GPC2: variants seen among roughly 807,000 people sequenced by gnomAD.
The protein encoded by GPC2 is glypican-2.
In GPC2, 42 loss-of-function variants were observed where a neutral mutation model predicts 57.3. The ratio of observed to expected loss-of-function variants is 0.73; its 90% CI spans 0.57 to 0.95. The LOEUF is 0.95. Ranked by LOEUF, GPC2 falls within the 40% of genes least tolerant of loss-of-function variation. The pLI is 0.00. For synonymous variants in GPC2, 364 were observed against 343.4 expected (o/e 1.06, Z -0.66); for missense variants, 745 against 793.6 (o/e 0.94, Z 0.74).
chr7:100,171,728 C>T lies in GPC2; in HGVS notation c.1171-50G>A, dbSNP rs1276634130. 6 of 1,493,360 alleles carry T rather than the reference C, an allele frequency of 4.0e-6. No individual in the cohort carries two copies. The Admixed American group carries it at 8.7e-5, about 22-fold the overall frequency. The allele number at this position is 1,493,360 out of a possible 1,614,324, so 92.5% of individuals were successfully genotyped here. The stretch of plus-strand genomic sequence containing the variant: ...CGAGCTGGAGCGCGACCCCCACAAC[C>T]ATCCCCGGCCCCGGGCCCCCCCGCC... On this transcript the variant is annotated intron_variant, in intron 7 of 9. Transcript: ENST00000292377. The surrounding 1 kb of genome is among the most constrained non-coding windows in gnomAD (Gnocchi z 4.8).
chr7:100,174,482 G>T, intron 4 of GPC2: 1 of 664,642 alleles, frequency 1.5e-6, no homozygotes, highest in East Asian at 2.8e-5. Context: ...AGGGGAGGAG[G>T]GGGTCAGAGA....
chr7:100,175,920 G>T, intron 2 of GPC2, 26 bp from the exon 3 acceptor site: 1 of 1,601,416 alleles, frequency 6.2e-7, no homozygotes. Flanking sequence ...GGAACAGGTG[G>T]AAGGCAGGTC....
At chr7:100,176,097 A>AC in intron 2 of GPC2, 110 bp downstream of exon 2, 1 of 700,416 alleles carries the variant, frequency 1.4e-6, no homozygotes. Context: ...GCGGGCTGGG[A>AC]GGGGATGGAG....
chr7:100,170,483 T>C lies in GPC2; in HGVS notation c.1487A>G (p.Asp496Gly), dbSNP rs146672512. The C allele has an allele frequency of 6.6e-5, 100 of 1,516,612 alleles. No individual in the cohort carries two copies. The highest frequency in any genetic ancestry group is 8.8e-5 in the Non-Finnish European group (99 of 1,128,858). The allele number at this position is 1,516,612 out of a possible 1,614,324, so 93.9% of individuals were successfully genotyped here. ...CCCTCCAGAGCCGCTGGCATCCTCA[T>C]CTGCAAGGAAGAAGAGGGACAGAGC... ...LGHDLDGQDA[D>G]EDASGSGGGQ... The change falls in exon 10 of 10, where the codon GAT becomes GGT. Residue 496 changes from aspartate (D) to glycine (G), a missense_variant and splice_region_variant. By Grantham distance (94) the Asp-to-Gly change is moderately conservative. Around this residue, in one of 2 missense-constraint regions of GPC2, gnomAD observed 607 missense variants for 603.9 expected, o/e 1.01. Transcript: ENST00000292377.
At chr7:100,175,095 A>G (rs1301903126) in intron 3 of GPC2, among the ~76,000 whole-genome samples, 1 of 152,226 alleles carries the variant, frequency 6.6e-6, no homozygotes, top group African/African-American at 2.4e-5. Flanking sequence ...CTGGCTGAAA[A>G]GCTTAATCTC....
At chr7:100,174,440 C>T (rs1456462878) in intron 4 of GPC2, 6 of 601,084 alleles carry the variant, frequency 1.0e-5, no homozygotes, top group Non-Finnish European at 1.5e-5. Flanking sequence ...ATGAGCAGGC[C>T]CTTGGGGACT....
In GPC2 at chr7:100,171,974, C is replaced by T; in HGVS notation, c.1024-49G>A. ...ACACAGTCACCCTGGGGGGAAACCACACTGCGTCCCCACTCTGACCCCAGA... is the reference window on the plus strand; with the variant it reads ...ACACAGTCACCCTGGGGGGAAACCATACTGCGTCCCCACTCTGACCCCAGA... On this transcript the variant is annotated intron_variant, in intron 6 of 9. Transcript: ENST00000292377. The surrounding 1 kb of genome is among the most constrained non-coding windows in gnomAD (Gnocchi z 4.8). 1 of 1,550,718 alleles carries T rather than the reference C, an allele frequency of 6.4e-7. No individual in the cohort carries two copies. Among genetic ancestry groups the T allele is most frequent in the South Asian group, 1.2e-5 (1 of 82,420 alleles).
At chr7:100,170,591 G>C in intron 9 of GPC2, 108 bp from the exon 10 acceptor site, 938 of 901,828 alleles carry the variant, frequency 1.0e-3, no homozygotes, top group Non-Finnish European at 1.3e-3. Flanking sequence ...AAGGGAGGGA[G>C]ACACAGGTGG....
rs1342165219 is a variant in GPC2 at position 100,176,243 on chromosome 7, C to T, written c.289G>A (p.Val97Ile). Reference protein sequence around the residue: ...GLVEDSGSFLVHTLAARHRKF... With the variant: ...GLVEDSGSFLIHTLAARHRKF... ...CTGTGCCTGGCAGCCAGTGTGTGAA[C>T]CAGAAAGGAGCCGCTGTCCTCCACC... The change falls in exon 2 of 10, where the codon GTT (valine) becomes ATT (isoleucine). Residue 97 changes from valine (V) to isoleucine (I), a missense_variant. Physicochemically the swap from Val to Ile is conservative, Grantham distance 29. Coordinates refer to ENST00000292377, the MANE Select transcript of GPC2 (RefSeq NM_152742.3). The T allele has an allele frequency of 6.2e-7, 1 of 1,613,184 alleles. No homozygotes were observed. Among genetic ancestry groups the T allele is most frequent in the Middle Eastern group, 1.7e-4 (1 of 6,048 alleles).
Position 100,171,017 on chromosome 7 carries a change from G to T in GPC2, c.1486+244C>A. 2.4e-6 allele frequency: 1 copy of T among 421,936 alleles called. No homozygotes were observed. The highest frequency in any genetic ancestry group is 4.1e-6 in the Non-Finnish European group (1 of 241,012). The allele number at this position is 421,936 out of a possible 1,614,324, so 26.1% of individuals were successfully genotyped here. A position where few individuals can be genotyped will look rare whatever the true frequency, so the allele number is the denominator to read the frequency against. On this transcript the variant is annotated intron_variant, in intron 9 of 9. Transcript: ENST00000292377. The surrounding 1 kb of genome is among the most constrained non-coding windows in gnomAD (Gnocchi z 4.8). ...TCCCACTGCCCTTTGCCCATTATAA[G>T]GGGCTTCCCACTGTTCTTTAAGAAT...
chr7:100,170,672 C>T (rs547785112), intron 9 of GPC2, among the ~76,000 whole-genome samples, 189 bp from the exon 10 acceptor site: 2 of 150,538 alleles, frequency 1.3e-5, no homozygotes, highest in African/African-American at 4.9e-5. Context: ...GAGAGAGATC[C>T]GACAGCAGAC....
Position 100,171,946 on chromosome 7 carries a change from C to G in GPC2, c.1024-21G>C. On this transcript the variant is annotated intron_variant, in intron 6 of 9. Transcript: ENST00000292377. The surrounding 1 kb of genome is among the most constrained non-coding windows in gnomAD (Gnocchi z 4.8). The stretch of plus-strand genomic sequence containing the variant: ...AACACCTGCGGCACCGGGAAGAGAC[C>G]TCACACAGTCACCCTGGGGGGAAAC... 1 of 1,527,998 alleles carries G rather than the reference C, an allele frequency of 6.5e-7. No individual in the cohort carries two copies. The highest frequency in any genetic ancestry group is 8.8e-7 in the Non-Finnish European group (1 of 1,140,452). 94.7% of individuals were successfully genotyped at this position (1,527,998 alleles called of 1,614,324 possible).
Position 100,171,715 on chromosome 7 carries a change from C to T in GPC2, c.1171-37G>A, listed in dbSNP as rs774921695. 6.8e-7 allele frequency: 1 copy of T among 1,478,732 alleles called. No individual in the cohort carries two copies. The highest frequency in any genetic ancestry group is 8.9e-7 in the Non-Finnish European group (1 of 1,123,784). 91.6% of individuals were successfully genotyped at this position (1,478,732 alleles called of 1,614,324 possible). On this transcript the variant is annotated intron_variant, in intron 7 of 9. Coordinates refer to ENST00000292377, the MANE Select transcript of GPC2 (RefSeq NM_152742.3). The surrounding 1 kb of genome is among the most constrained non-coding windows in gnomAD (Gnocchi z 4.8). ...AGAGGGGGCGGGGCGAGCTGGAGCGCGACCCCCACAACCATCCCCGGCCCC... is the reference window on the plus strand; with the variant it reads ...AGAGGGGGCGGGGCGAGCTGGAGCGTGACCCCCACAACCATCCCCGGCCCC...
chr7:100,175,839 G>A lies in GPC2; in HGVS notation c.381C>T (p.Ser127=), dbSNP rs776975013. The part of the protein sequence containing the change: ...VAQHSLTQLF[S]HSYGRLYAQH... ...GGGCATACAGGCGGCCGTAGGAGTG[G>A]GAGAAGAGCTGGGTCAGAGAGTGCT... Residue 127 remains serine, a synonymous_variant, in exon 3 of 10, where the codon TCC becomes TCT. Coordinates refer to ENST00000292377, the MANE Select transcript of GPC2 (RefSeq NM_152742.3). The A allele has an allele frequency of 6.2e-7, 1 of 1,614,050 alleles. No individual in the cohort carries two copies. The highest frequency in any genetic ancestry group is 8.5e-7 in the Non-Finnish European group (1 of 1,179,986).
chr7:100,172,350 T>A, intron 5 of GPC2, 133 bp from the exon 6 acceptor site: 2 of 950,942 alleles, frequency 2.1e-6, no homozygotes, highest in South Asian at 1.6e-5. Context: ...CTCCCTCTCA[T>A]GTATCCCCCC....
At position 100,171,476 on chromosome 7, in the gene GPC2, C is replaced by T; in HGVS notation, c.1311-40G>A. ...GCCCCGAAGCGCCAGCTAGCGCGCG[C>T]GGCCCCGCCCCTCCCGGCCGCGGTC... is the stretch of plus-strand genomic sequence containing the variant. On this transcript the variant is annotated intron_variant, in intron 8 of 9. Transcript: ENST00000292377. The surrounding 1 kb of genome is among the most constrained non-coding windows in gnomAD (Gnocchi z 4.8). 7.4e-7 allele frequency: 1 copy of T among 1,346,276 alleles called. No individual in the cohort carries two copies. The highest frequency in any genetic ancestry group is 9.5e-7 in the Non-Finnish European group (1 of 1,054,172). The allele number at this position is 1,346,276 out of a possible 1,614,324, so 83.4% of individuals were successfully genotyped here. A position where few individuals can be genotyped will look rare whatever the true frequency, so the allele number is the denominator to read the frequency against.
At chr7:100,174,591 T>C (rs1799237414) in intron 4 of GPC2, 94 bp downstream of exon 4, 2 of 899,656 alleles carry the variant, frequency 2.2e-6, no homozygotes, top group Non-Finnish European at 3.6e-6. Flanking sequence ...CCAAGGCCTG[T>C]CCTGCTGGCT....
At chr7:100,174,603 G>A (rs888733190) in intron 4 of GPC2, 82 bp downstream of exon 4, 3 of 1,002,974 alleles carry the variant, frequency 3.0e-6, no homozygotes, top group Non-Finnish European at 4.7e-6. Flanking sequence ...CTGCTGGCTG[G>A]TGGCTGTTTC....
intron 2 of GPC2, 134 bp from the exon 3 acceptor site, chr7:100,176,028 G>A (rs953975203): frequency 4.8e-5 from 42 of 870,200 alleles, no homozygotes; most frequent in Non-Finnish European, 5.9e-5. Flanking sequence ...AACTCTCAGA[G>A]ATGGGGCAGA....
Sources: allele counts gnomAD v4.1 joint callset (sites outside exome capture counted in the v4.1 genomes callset), GRCh38; gene constraint gnomAD v4.1.1; regional missense constraint gnomAD v4.1.1; non-coding constraint Gnocchi (gnomAD v3.1); transcripts MANE v1.5; gene names NCBI Gene and HGNC (gene_info 2026-07-23, HGNC 2026-07-21).